SUMF2: variants seen among roughly 807,000 people sequenced by gnomAD.
SUMF2 encodes the protein sulfatase modifying factor 2.
Under a neutral mutation model 44.8 loss-of-function variants are expected in SUMF2, and 45 were observed. The ratio of observed to expected loss-of-function variants is 1.00; its 90% CI spans 0.79 to 1.29. The LOEUF is 1.29. SUMF2 is among the 50% of genes most tolerant of loss of function. The probability of loss-of-function intolerance (pLI) is 0.00; values close to 1 mark genes in which losing one functional copy is unlikely to be tolerated. For missense variants in SUMF2, 418 were observed against 389.9 expected (o/e 1.07, Z -0.61); for synonymous variants, 148 against 150.4 (o/e 0.98, Z 0.12).
At chr7:56,081,414 G>T, downstream of SUMF2, 1 of 1,380,026 alleles carries the variant, frequency 7.2e-7, no homozygotes, top group Non-Finnish European at 9.7e-7. The surrounding 1 kb of genome is among the most constrained non-coding windows in gnomAD (Gnocchi z 4.6). Flanking sequence ...GCTTCTGCGG[G>T]GCCTTCCTAG....
chr7:56,084,076 A>G (rs985148170), downstream of SUMF2: 1 of 806,360 alleles, frequency 1.2e-6, no homozygotes. Context: ...CCATTACCCT[A>G]GTTCCAGGCC....
At chr7:56,085,584 C>T (rs1267835984), downstream of SUMF2, among the ~76,000 whole-genome samples, 1 of 152,186 alleles carries the variant, frequency 6.6e-6, no homozygotes, top group Non-Finnish European at 1.5e-5. Context: ...ACCTCTACCA[C>T]CTGCCTCTCT....
chr7:56,082,308 C>A, downstream of SUMF2: 1 of 1,405,504 alleles, frequency 7.1e-7, no homozygotes, highest in South Asian at 1.2e-5. Flanking sequence ...AAGAGGAAGT[C>A]CAGGCTGGCC....
At chr7:56,068,347 A>T in intron 1 of SUMF2, 135 bp from the exon 2 acceptor site, 1 of 892,432 alleles carries the variant, frequency 1.1e-6, no homozygotes, top group Non-Finnish European at 1.6e-6. Flanking sequence ...AAAGGAATTT[A>T]AAGCCAGATT....
At chr7:56,072,890 T>G in intron 2 of SUMF2, 107 bp from the exon 3 acceptor site, 1 of 727,388 alleles carries the variant, frequency 1.4e-6, no homozygotes, top group Non-Finnish European at 2.4e-6. Flanking sequence ...GAACACTCTG[T>G]GGTGTATAAC....
At chr7:56,083,555 CAG>C (rs1796119832), downstream of SUMF2, 4 of 1,494,762 alleles carry the variant, frequency 2.7e-6, no homozygotes, top group East Asian at 6.9e-5. Context: ...ACGCCCAGCC[CAG>C]ACATGTGCAC....
downstream of SUMF2, among the ~76,000 whole-genome samples, chr7:56,084,485 T>C (rs1796167740): frequency 6.6e-6 from 1 of 150,668 alleles, no homozygotes; most frequent in South Asian, 2.1e-4. Flanking sequence ...GCAATTCTCC[T>C]ACCTCAGCCT....
intron 5 of SUMF2, 85 bp downstream of exon 5, chr7:56,074,821 G>A: frequency 3.9e-6 from 6 of 1,556,268 alleles, no homozygotes; most frequent in Non-Finnish European, 5.3e-6. Context: ...AAAGGGGCTG[G>A]GCGCAGTGGC....
intron 1 of SUMF2, among the ~76,000 whole-genome samples, chr7:56,065,846 C>G (rs1300018654): frequency 6.6e-6 from 1 of 152,110 alleles, no homozygotes; most frequent in East Asian, 1.9e-4. Flanking sequence ...ACTTTAAGAG[C>G]CTGAGGCGGG....
intron 8 of SUMF2, chr7:56,079,122 C>T: frequency 4.2e-6 from 2 of 477,618 alleles, no homozygotes; most frequent in Non-Finnish European, 7.4e-6. Context: ...AATCAGCCCG[C>T]CTTGGCCTCC....
intron 2 of SUMF2, 135 bp downstream of exon 2, chr7:56,068,773 G>T: frequency 3.0e-6 from 3 of 999,806 alleles, no homozygotes; most frequent in East Asian, 2.9e-5. Context: ...GCGCAATCTC[G>T]CTCACTGCAA....
Position 56,078,494 on chromosome 7 carries a change from C to T in SUMF2, c.807C>T (p.Ala269=), listed in dbSNP as rs1436960085. The change falls in exon 8 of 9, where the codon GCC becomes GCT. Residue 269 remains alanine, a synonymous_variant. Transcript: ENST00000434526. ...DTADGSANHR[A]RVTTRMGNTP... ...CTGATGGCTCTGCCAATCACCGGGC[C>T]CGGGTCACCACCAGGTAAGGGGCTT... 6.3e-7 allele frequency: 1 copy of T among 1,577,618 alleles called. No individual in the cohort carries two copies. The highest frequency in any genetic ancestry group is 1.8e-5 in the Admixed American group (1 of 55,558).
chr7:56,083,367 G>A (rs1796109100), downstream of SUMF2: 1 of 1,614,158 alleles, frequency 6.2e-7, no homozygotes, highest in Non-Finnish European at 8.5e-7. Context: ...AATGTTCTCG[G>A]GCTTCAGGTC....
chr7:56,073,583 G>T (rs768763033), intron 3 of SUMF2: 3 of 206,710 alleles, frequency 1.5e-5, no homozygotes, highest in Non-Finnish European at 3.0e-5. Context: ...GGCAGAGGTT[G>T]CAGTGAGCCG....
intron 2 of SUMF2, among the ~76,000 whole-genome samples, 195 bp downstream of exon 2, chr7:56,068,833 G>T (rs1341322410): frequency 6.6e-6 from 1 of 151,482 alleles, no homozygotes; most frequent in Non-Finnish European, 1.5e-5. Context: ...CTGCCGAGCA[G>T]CTGGAATTAC....
downstream of SUMF2, chr7:56,081,336 C>CGCCCTGCCAG (rs1477026257): frequency 1.3e-6 from 2 of 1,573,836 alleles, no homozygotes; most frequent in African/African-American, 1.3e-5. The surrounding 1 kb of genome is among the most constrained non-coding windows in gnomAD (Gnocchi z 4.6). Flanking sequence ...CTGCAGCCCC[C>CGCCCTGCCAG]GCCCTGCCAG....
the SUMF2 span, chr7:56,087,785 G>T: frequency 6.2e-7 from 1 of 1,605,978 alleles, no homozygotes; most frequent in Non-Finnish European, 8.5e-7. Context: ...CCCTGGGAGT[G>T]CAGAGGACAG....
downstream of SUMF2, among the ~76,000 whole-genome samples, chr7:56,084,696 A>G (rs552971385): frequency 6.6e-6 from 1 of 152,090 alleles, no homozygotes; most frequent in African/African-American, 2.4e-5. Context: ...TTTTCCCAGG[A>G]AACAAATGGG....
rs190392338 is a variant in SUMF2, at chr7:56,069,543, C to G, written c.224+905C>G. ...TCCATCTTACCCTGACAGTCTGCCC[C>G]CTGAAACTTACTAAACCATACCAAA... is the stretch of plus-strand genomic sequence containing the variant. On this transcript the variant is annotated intron_variant, in intron 2 of 8. Transcript: ENST00000434526. 3.0e-3 allele frequency among the ~76,000 whole-genome samples: 456 copies of G among 151,888 alleles called. 4 individuals are homozygous for G. The highest frequency in any genetic ancestry group is 0.01 in the African/African-American group (419 of 41,420).
Sources: allele counts gnomAD v4.1 joint callset (sites outside exome capture counted in the v4.1 genomes callset), GRCh38; gene constraint gnomAD v4.1.1; non-coding constraint Gnocchi (gnomAD v3.1); transcripts MANE v1.5; gene names NCBI Gene and HGNC (gene_info 2026-07-23, HGNC 2026-07-21).